C10orf143: variants seen among roughly 807,000 people sequenced by gnomAD.
C10orf143 encodes uncharacterized protein C10orf143.
chr10:130,045,567 C>A (rs931912130), intron 3 of C10orf143, among the ~76,000 whole-genome samples: 2 of 152,248 alleles, frequency 1.3e-5, no homozygotes, highest in Admixed American at 1.3e-4. Flanking sequence ...CTGGGAGCTG[C>A]CTCCAGACCT....
At chr10:130,100,881 T>C (rs921722381) in intron 1 of C10orf143, among the ~76,000 whole-genome samples, 2 of 152,070 alleles carry the variant, frequency 1.3e-5, no homozygotes, top group South Asian at 4.2e-4. Context: ...GTGGGAGTTG[T>C]AGAAGGAGAG....
intron 3 of C10orf143, among the ~76,000 whole-genome samples, chr10:130,047,208 G>A (rs1225780179): frequency 6.6e-6 from 1 of 152,252 alleles, no homozygotes; most frequent in Admixed American, 6.5e-5. Context: ...TCTGGACCTG[G>A]TGTTATCATA....
intron 3 of C10orf143, chr10:130,066,986 TA>T (rs1439545537): frequency 6.6e-6 from 1 of 152,188 alleles, no homozygotes; most frequent in Non-Finnish European, 1.5e-5. Flanking sequence ...CCACTTTTGG[TA>T]AAACACAATT....
chr10:130,066,697 GTC>G (rs2134747827), intron 3 of C10orf143: 1 of 152,448 alleles, frequency 6.6e-6, no homozygotes, highest in Non-Finnish European at 1.5e-5. Flanking sequence ...GTCCCAGTTT[GTC>G]TCTGTCTCTC....
intron 1 of C10orf143, chr10:130,106,252 G>T: frequency 6.6e-7 from 1 of 1,511,656 alleles, no homozygotes; most frequent in Non-Finnish European, 9.2e-7. Context: ...TTAGGAGTCG[G>T]CTTTATGTGG....
intron 3 of C10orf143, among the ~76,000 whole-genome samples, chr10:130,046,652 G>A (rs1322828359): frequency 6.6e-6 from 1 of 152,240 alleles, no homozygotes; most frequent in Non-Finnish European, 1.5e-5. Context: ...TAGGAAGCCG[G>A]CCATGCTCCT....
At chr10:130,053,433 T>C (rs542960632) in intron 3 of C10orf143, among the ~76,000 whole-genome samples, 2 of 152,168 alleles carry the variant, frequency 1.3e-5, no homozygotes, top group Non-Finnish European at 2.9e-5. Context: ...CTTCAGGATG[T>C]TTTTTAAGCC....
At chr10:130,043,131 G>A (rs550880909) in intron 3 of C10orf143, among the ~76,000 whole-genome samples, 10 of 152,258 alleles carry the variant, frequency 6.6e-5, no homozygotes, top group African/African-American at 2.4e-4. Context: ...AAATAAGAAA[G>A]TTAAGCAGCT....
intron 3 of C10orf143, among the ~76,000 whole-genome samples, chr10:130,078,046 A>C (rs1228208455): frequency 6.6e-6 from 1 of 152,254 alleles, no homozygotes; most frequent in African/African-American, 2.4e-5. Context: ...TGATATTTAC[A>C]TATCAATGAA....
chr10:130,085,270 A>G (rs1427806354), intron 1 of C10orf143, among the ~76,000 whole-genome samples: 1 of 152,210 alleles, frequency 6.6e-6, no homozygotes, highest in African/African-American at 2.4e-5. Context: ...GTAAAGAGAA[A>G]AATAGTAACT....
intron 3 of C10orf143, among the ~76,000 whole-genome samples, chr10:130,042,061 ACACC>A (rs985101363): frequency 6.6e-6 from 1 of 152,230 alleles, no homozygotes; most frequent in African/African-American, 2.4e-5. Context: ...ACACACGTGC[ACACC>A]CACACATGCA....
At chr10:130,078,848 T>G (rs1861160902) in intron 3 of C10orf143, among the ~76,000 whole-genome samples, 1 of 152,150 alleles carries the variant, frequency 6.6e-6, no homozygotes, top group Admixed American at 6.5e-5. Context: ...ATCTCAGAAA[T>G]ACACATATAC....
chr10:130,106,594 C>G, intron 1 of C10orf143: 1 of 1,511,864 alleles, frequency 6.6e-7, no homozygotes, highest in Non-Finnish European at 9.2e-7. Flanking sequence ...CAGAATCCCT[C>G]AAATCACAAG....
At chr10:130,108,931 CT>C (rs1231053629) in intron 1 of C10orf143, among the ~76,000 whole-genome samples, 2 of 152,210 alleles carry the variant, frequency 1.3e-5, no homozygotes, top group African/African-American at 4.8e-5. Context: ...ACAGCATGGC[CT>C]AACAGGAGCT....
At chr10:130,053,082 A>G (rs946946109) in intron 3 of C10orf143, among the ~76,000 whole-genome samples, 2 of 134,270 alleles carry the variant, frequency 1.5e-5, no homozygotes, top group African/African-American at 5.3e-5. Flanking sequence ...TTGTTTGGAG[A>G]TGGAGTCTTG....
chr10:130,053,745 C>T (rs932676529), intron 3 of C10orf143, among the ~76,000 whole-genome samples: 5 of 152,190 alleles, frequency 3.3e-5, no homozygotes, highest in African/African-American at 2.4e-5. Context: ...CCAGTGAAAC[C>T]GCGTCTTAAG....
At chr10:130,055,003 A>G (rs1860779321) in intron 3 of C10orf143, among the ~76,000 whole-genome samples, 1 of 152,246 alleles carries the variant, frequency 6.6e-6, no homozygotes, top group Non-Finnish European at 1.5e-5. Context: ...GGATATGCAA[A>G]TACAAAAGAA....
intron 3 of C10orf143, among the ~76,000 whole-genome samples, chr10:130,074,092 C>T (rs7071133): frequency 0.035 from 5,263 of 152,268 alleles, 239 homozygotes; most frequent in East Asian, 0.11. Context: ...TCGAGCCTGA[C>T]GCTGGGCCGC....
intron 1 of C10orf143, among the ~76,000 whole-genome samples, chr10:130,090,124 A>G (rs985205526): frequency 6.6e-6 from 1 of 152,210 alleles, no homozygotes; most frequent in East Asian, 1.9e-4. Flanking sequence ...GAAGCTGGCA[A>G]GATGGCCAAA....
Sources: allele counts gnomAD v4.1 joint callset (sites outside exome capture counted in the v4.1 genomes callset), GRCh38; gene constraint gnomAD v4.1.1; transcripts MANE v1.5; gene names NCBI Gene and HGNC (gene_info 2026-07-23, HGNC 2026-07-21).